The following CPB2 variants were observed in gnomAD, a reference collection of about 807,000 sequenced individuals.
CPB2 encodes the protein carboxypeptidase B-like protein.
A neutral mutation model predicts 57.0 loss-of-function variants in CPB2; 54 were observed. The ratio of observed to expected loss-of-function variants is 0.95; its 90% CI spans 0.76 to 1.19. The LOEUF (loss-of-function observed/expected upper bound fraction) is 1.19. Among genes scored for constraint, CPB2 ranks in the 50% most tolerant of loss-of-function variants. The pLI, the probability that CPB2 is intolerant of heterozygous loss-of-function variation, is 0.00. For missense variants in CPB2, 426 were observed against 512.0 expected, an observed-to-expected ratio of 0.83 and a Z score of 1.62; for synonymous variants, 189 against 178.1, an observed-to-expected ratio of 1.06 and a Z score of -0.49.
intron 3 of CPB2, 96 bp downstream of exon 3, chr13:46,084,123 C>G: frequency 7.0e-7 from 1 of 1,421,446 alleles, no homozygotes; most frequent in Non-Finnish European, 9.7e-7. Flanking sequence ...ATGGTTAATA[C>G]ATTTTATTTT....
At chr13:46,057,407 A>G (rs995226142) in intron 9 of CPB2, among the ~76,000 whole-genome samples, 2 of 151,278 alleles carry the variant, frequency 1.3e-5, no homozygotes, top group African/African-American at 4.9e-5. Context: ...AGAGAGCCAG[A>G]AAAAAAAATG....
intron 5 of CPB2, among the ~76,000 whole-genome samples, chr13:46,076,561 A>G (rs1350505536): frequency 1.3e-5 from 2 of 152,164 alleles, no homozygotes; most frequent in Non-Finnish European, 2.9e-5. Context: ...GTACTACCGA[A>G]TGGAATCTAC....
intron 2 of CPB2, among the ~76,000 whole-genome samples, chr13:46,086,943 T>G (rs1034124987): frequency 4.6e-5 from 7 of 152,182 alleles, no homozygotes; most frequent in Non-Finnish European, 7.4e-5. Flanking sequence ...GCTCCAAGAT[T>G]GGAGTGAGCA....
intron 1 of CPB2, among the ~76,000 whole-genome samples, chr13:46,092,715 C>T (rs910732291): frequency 1.3e-5 from 2 of 151,964 alleles, no homozygotes; most frequent in Admixed American, 1.3e-4. Context: ...GTATAGGATA[C>T]GGGTGTTTAA....
At chr13:46,058,063 A>T in intron 9 of CPB2, 116 bp downstream of exon 9, 1 of 788,432 alleles carries the variant, frequency 1.3e-6, no homozygotes, top group Non-Finnish European at 2.1e-6. Context: ...ACCATGATTT[A>T]AAACATCTAT....
rs1195465592 is a variant in CPB2 at position 46,053,763 on chromosome 13, C to T, written c.1123G>A (p.Asp375Asn). 1 of 1,614,066 alleles carries T rather than the reference C, an allele frequency of 6.2e-7. No individual in the cohort carries two copies. Among genetic ancestry groups the T allele is most frequent in the Non-Finnish European group, 8.5e-7 (1 of 1,179,988 alleles). The change falls in exon 11 of 11, where the codon GAT becomes AAT. Residue 375 changes from aspartate to asparagine, a missense_variant. By Grantham distance (23) the Asp-to-Asn change is conservative. Coordinates refer to ENST00000181383, the MANE Select transcript of CPB2 (RefSeq NM_001872.5). ...GTAAACGAATATTTGATGCCCAAAT[C>T]ATAGATCCAATCGTCCCCACCTCCA... ...APGGGDDWIY[D>N]LGIKYSFTIE...
intron 6 of CPB2, among the ~76,000 whole-genome samples, chr13:46,070,347 A>T (rs1413275833): frequency 1.3e-5 from 2 of 152,178 alleles, no homozygotes; most frequent in Non-Finnish European, 2.9e-5. Flanking sequence ...GTATATTGAG[A>T]CATAACCCCA....
At chr13:46,060,143 A>G (rs1021992486) in intron 8 of CPB2, among the ~76,000 whole-genome samples, 1 of 152,190 alleles carries the variant, frequency 6.6e-6, no homozygotes, top group Non-Finnish European at 1.5e-5. Flanking sequence ...TATTTACTTT[A>G]AATTTTCAAG....
chr13:46,091,096 A>G (rs117575671), intron 1 of CPB2, among the ~76,000 whole-genome samples: 3 of 152,232 alleles, frequency 2.0e-5, no homozygotes, highest in African/African-American at 2.4e-5. Context: ...TTAACATGCC[A>G]CCTCTAAGCT....
chr13:46,067,471 AGT>A (rs1274424906), intron 6 of CPB2, 54 bp from the exon 7 acceptor site: 7 of 894,790 alleles, frequency 7.8e-6, no homozygotes, highest in African/African-American at 3.4e-5. Flanking sequence ...TTCTAAACTT[AGT>A]GTGTTTCTTT....
chr13:46,062,848 GA>G (rs1566398981), intron 8 of CPB2, among the ~76,000 whole-genome samples: 1 of 152,204 alleles, frequency 6.6e-6, no homozygotes, highest in African/African-American at 2.4e-5. Flanking sequence ...TTCCCAGGCT[GA>G]ATGTTGTGAG....
intron 2 of CPB2, among the ~76,000 whole-genome samples, chr13:46,084,748 G>A (rs970922888): frequency 1.3e-5 from 2 of 151,738 alleles, no homozygotes; most frequent in East Asian, 3.9e-4. Context: ...TCATGTTCTT[G>A]TAATTATCAT....
intron 2 of CPB2, among the ~76,000 whole-genome samples, chr13:46,086,854 G>C (rs572485770): frequency 6.6e-6 from 1 of 152,318 alleles, no homozygotes; most frequent in South Asian, 2.1e-4. Flanking sequence ...AGGCAGCAGG[G>C]GGCTAGCATG....
At chr13:46,065,986 C>T (rs2044848708) in intron 7 of CPB2, among the ~76,000 whole-genome samples, 1 of 152,210 alleles carries the variant, frequency 6.6e-6, no homozygotes, top group Admixed American at 6.5e-5. Flanking sequence ...AGGTAATTCT[C>T]ATTTACTTAG....
chr13:46,070,260 A>C (rs1348330513), intron 6 of CPB2, among the ~76,000 whole-genome samples: 1 of 152,178 alleles, frequency 6.6e-6, no homozygotes, highest in East Asian at 1.9e-4. Context: ...TTAGGCTATG[A>C]TATTCAGTAT....
At chr13:46,102,316 G>A (rs933798416) in intron 1 of CPB2, among the ~76,000 whole-genome samples, 4 of 152,100 alleles carry the variant, frequency 2.6e-5, no homozygotes, top group African/African-American at 9.7e-5. Context: ...CAAGATTCTT[G>A]CTAGTATTTT....
intron 1 of CPB2, among the ~76,000 whole-genome samples, chr13:46,092,878 G>C (rs971246485): frequency 6.6e-6 from 1 of 152,008 alleles, no homozygotes; most frequent in Admixed American, 6.6e-5. Flanking sequence ...GTGATTTATA[G>C]GGATAATTTT....
Position 46,053,604 on chromosome 13 carries a change from A to G in CPB2, c.*10T>C. On this transcript the variant is annotated 3_prime_UTR_variant, in exon 11 of 11. Coordinates refer to ENST00000181383, the MANE Select transcript of CPB2 (RefSeq NM_001872.5). Reference sequence around the variant, plus strand: ...TAAAATACGGAAGCAGAATGATAAAATCAGGGGCATTAAACATTCCTAATG... The same window carrying G: ...TAAAATACGGAAGCAGAATGATAAAGTCAGGGGCATTAAACATTCCTAATG... The G allele has an allele frequency of 6.2e-7, 1 of 1,608,382 alleles. No individual in the cohort carries two copies. The highest frequency in any genetic ancestry group is 8.5e-7 in the Non-Finnish European group (1 of 1,175,592).
intron 1 of CPB2, among the ~76,000 whole-genome samples, chr13:46,095,255 T>C (rs193207741): frequency 1.3e-5 from 2 of 151,786 alleles, no homozygotes; most frequent in African/African-American, 4.8e-5. Flanking sequence ...ACCAGAGCTA[T>C]CATAGTGGGA....
Sources: gnomAD v4.1 joint callset for allele counts (sites outside exome capture counted in the v4.1 genomes callset) on GRCh38, gnomAD v4.1.1 for gene constraint, MANE v1.5 for transcripts, NCBI Gene and HGNC (gene_info 2026-07-23, HGNC 2026-07-21) for gene names.